The following LAMA3 variants were observed in gnomAD, a reference collection of about 807,000 sequenced individuals.
LAMA3 encodes the protein laminin subunit alpha 3.
In LAMA3, 281 loss-of-function variants were observed where a neutral mutation model predicts 402.0. The ratio of observed to expected loss-of-function variants is 0.70; its 90% confidence interval spans 0.63 to 0.77. LAMA3 has a LOEUF of 0.77. Ranked by LOEUF, LAMA3 falls within the 30% of genes least tolerant of loss-of-function variation. LAMA3 has a pLI of 0.00. For missense variants in LAMA3, 3,840 were observed against 4,215.5 expected, an observed-to-expected ratio of 0.91 and a Z score of 2.47; for synonymous variants, 1,431 against 1,558.4, an observed-to-expected ratio of 0.92 and a Z score of 1.93.
intron 11 of LAMA3, among the ~76,000 whole-genome samples, chr18:23,783,729 T>C (rs1318016040): frequency 6.6e-6 from 1 of 152,160 alleles, no homozygotes; most frequent in Admixed American, 6.5e-5. Flanking sequence ...GAAGTTATAC[T>C]TTACAAAGCT....
At chr18:23,946,562 A>G (rs990878734) in intron 70 of LAMA3, 8 of 438,412 alleles carry the variant, frequency 1.8e-5, no homozygotes, top group Non-Finnish European at 2.5e-5. Context: ...CTTCTCCTCC[A>G]GGGAATGCAA....
intron 7 of LAMA3, among the ~76,000 whole-genome samples, chr18:23,762,618 G>A (rs185429080): frequency 6.6e-6 from 1 of 151,788 alleles, no homozygotes; most frequent in African/African-American, 2.4e-5. Context: ...GAACCAAAAT[G>A]AGGATAGCTG....
At position 23,777,254 on chromosome 18, in the gene LAMA3, A is replaced by C. The variant is rs151325177; in HGVS notation, c.1406-303A>C. Among the ~76,000 whole-genome samples the C allele has an allele frequency of 3.7e-3, 562 of 150,346 alleles. 3 individuals are homozygous for C. Among genetic ancestry groups the C allele is most frequent in the African/African-American group, 0.013 (533 of 40,972 alleles). Reference sequence around the variant, plus strand: ...TCTTTAAAGCTTTGATTTTATGTTAAAAAAAAAAACAATAAAAAAGCTAAG... The same window carrying C: ...TCTTTAAAGCTTTGATTTTATGTTACAAAAAAAAACAATAAAAAAGCTAAG... On this transcript the variant is annotated intron_variant, in intron 10 of 74. Transcript: ENST00000313654.
chr18:23,895,799 T>A (rs1226338074), intron 44 of LAMA3, among the ~76,000 whole-genome samples: 1 of 152,198 alleles, frequency 6.6e-6, no homozygotes, highest in Non-Finnish European at 1.5e-5. Flanking sequence ...TCTTATCCTT[T>A]TTTTTTCCTT....
rs949188080 is a variant in LAMA3, at chr18:23,750,809, G to C, written c.685-109G>C. 8 of 1,169,026 alleles carry C rather than the reference G, an allele frequency of 6.8e-6. No individual in the cohort carries two copies. In the African/African-American group the frequency reaches 7.6e-5, roughly 11 times the overall value. The allele number at this position is 1,169,026 out of a possible 1,614,324, so 72.4% of individuals were successfully genotyped here. A position where few individuals can be genotyped will look rare whatever the true frequency, so the allele number is the denominator to read the frequency against. On this transcript the variant is annotated intron_variant, in intron 4 of 74. Transcript: ENST00000313654. ...CAAGACCCCCTACGAATATCAAATG[G>C]CTCAAAGAAACCAAGTGCCTTGGGG...
intron 2 of LAMA3, among the ~76,000 whole-genome samples, chr18:23,745,622 C>T (rs750907418): frequency 2.0e-5 from 3 of 152,182 alleles, no homozygotes; most frequent in Non-Finnish European, 4.4e-5. Context: ...GGGTTTGTTA[C>T]TTAACCTCTC....
At chr18:23,785,586 C>T (rs1305841596) in intron 12 of LAMA3, among the ~76,000 whole-genome samples, 2 of 152,172 alleles carry the variant, frequency 1.3e-5, no homozygotes, top group Non-Finnish European at 2.9e-5. Context: ...TATTCACTTG[C>T]ACCTTTCTTC....
At chr18:23,857,786 C>A (rs1220295134) in intron 32 of LAMA3, 58 bp from the exon 33 acceptor site, 26 of 1,607,544 alleles carry the variant, frequency 1.6e-5, no homozygotes, top group Admixed American at 1.3e-4. Context: ...TGTAAGTGAG[C>A]ACTTTAAAAT....
chr18:23,879,094 T>G lies in LAMA3; in HGVS notation c.5112+2687T>G, dbSNP rs1369074368. Among the ~76,000 whole-genome samples, 1 of 152,182 alleles carries G rather than the reference T, an allele frequency of 6.6e-6. No individual in the cohort carries two copies. Among genetic ancestry groups the G allele is most frequent in the African/African-American group, 2.4e-5 (1 of 41,444 alleles). On this transcript the variant is annotated intron_variant, in intron 39 of 74. Coordinates refer to ENST00000313654, the MANE Select transcript of LAMA3 (RefSeq NM_198129.4). This position sits in a 1 kb window ranked among gnomAD's most constrained non-coding sequence, Gnocchi z 4.2. ...TTCTTTCTTCATCTTCCTTCTTTTATTTTCTGCTACTTGAGCCCATCTTCC... is the reference window on the plus strand; with the variant it reads ...TTCTTTCTTCATCTTCCTTCTTTTAGTTTCTGCTACTTGAGCCCATCTTCC...
intron 23 of LAMA3, among the ~76,000 whole-genome samples, chr18:23,831,213 G>T (rs1235630142): frequency 6.6e-6 from 1 of 152,156 alleles, no homozygotes; most frequent in Non-Finnish European, 1.5e-5. Context: ...ACTATAGCCA[G>T]CACTCACATT....
At chr18:23,820,190 G>C (rs2063257881) in intron 19 of LAMA3, among the ~76,000 whole-genome samples, 193 bp downstream of exon 19, 1 of 152,120 alleles carries the variant, frequency 6.6e-6, no homozygotes, top group African/African-American at 2.4e-5. Context: ...TAACTGATAA[G>C]CATATGTGTG....
chr18:23,816,031 G>T (rs892431519), intron 17 of LAMA3, among the ~76,000 whole-genome samples: 2 of 152,166 alleles, frequency 1.3e-5, no homozygotes, highest in Non-Finnish European at 2.9e-5. Flanking sequence ...TTTCTGAAGC[G>T]CGTTTACTCC....
intron 32 of LAMA3, 96 bp downstream of exon 32, chr18:23,847,764 TC>T: frequency 7.7e-7 from 1 of 1,292,478 alleles, no homozygotes; most frequent in Non-Finnish European, 1.1e-6. Context: ...TTCCCACCTG[TC>T]CAGGGGTGCC....
chr18:23,827,277 G>T, intron 22 of LAMA3, 37 bp from the exon 23 acceptor site: 2 of 1,610,668 alleles, frequency 1.2e-6, no homozygotes, highest in Non-Finnish European at 1.7e-6. Context: ...GTTCTCAGTT[G>T]TAACTATTGA....
intron 67 of LAMA3, among the ~76,000 whole-genome samples, chr18:23,938,686 C>T (rs1176523996): frequency 6.6e-6 from 1 of 151,896 alleles, no homozygotes; most frequent in East Asian, 1.9e-4. Flanking sequence ...ATGCTGGCCC[C>T]CTCAAGCGAC....
intron 12 of LAMA3, among the ~76,000 whole-genome samples, chr18:23,797,047 C>A (rs2062776719): frequency 6.6e-6 from 1 of 152,130 alleles, no homozygotes. Context: ...AGTCGTGGCT[C>A]AAGTGAAGGA....
chr18:23,851,892 A>G (rs1024249272), intron 32 of LAMA3, among the ~76,000 whole-genome samples: 1 of 152,216 alleles, frequency 6.6e-6, no homozygotes, highest in African/African-American at 2.4e-5. Flanking sequence ...GAATTCTACA[A>G]TACTGATCCT....
At chr18:23,829,741 T>C (rs2063457774) in intron 23 of LAMA3, among the ~76,000 whole-genome samples, 1 of 152,232 alleles carries the variant, frequency 6.6e-6, no homozygotes, top group South Asian at 2.1e-4. Context: ...GTGAACATTG[T>C]ACCTAATAGG....
intron 44 of LAMA3, among the ~76,000 whole-genome samples, chr18:23,897,586 G>A (rs1424939920): frequency 6.6e-6 from 1 of 152,164 alleles, no homozygotes; most frequent in East Asian, 1.9e-4. Flanking sequence ...GAGAAGCTGA[G>A]AAACTTGCCT....
Sources: allele counts gnomAD v4.1 joint callset (sites outside exome capture counted in the v4.1 genomes callset), GRCh38; gene constraint gnomAD v4.1.1; non-coding constraint Gnocchi (gnomAD v3.1); transcripts MANE v1.5; gene names NCBI Gene and HGNC (gene_info 2026-07-23, HGNC 2026-07-21).